The following PCDH15 variants were observed in gnomAD, a reference collection of about 807,000 sequenced individuals.
PCDH15 encodes the protein protocadherin related 15.
Under a neutral mutation model 178.5 loss-of-function variants are expected in PCDH15, and 129 were observed. That is an observed-to-expected ratio of 0.72 (90% CI 0.63 to 0.84). The LOEUF (loss-of-function observed/expected upper bound fraction) is 0.84. Ranked by LOEUF, PCDH15 falls within the 40% of genes least tolerant of loss-of-function variation. The pLI is 0.00. For missense variants in PCDH15, 2,230 were observed against 2,099.9 expected (o/e 1.06, Z -1.21); for synonymous variants, 800 against 732.0 (o/e 1.09, Z -1.50).
intron 2 of PCDH15, among the ~76,000 whole-genome samples, chr10:55,147,832 C>A (rs922838020): frequency 6.6e-6 from 1 of 151,352 alleles, no homozygotes; most frequent in African/African-American, 2.4e-5. Context: ...CCTCTTCCTC[C>A]TTTTTCTCCT....
chr10:54,594,604 C>T (rs554977191), intron 2 of PCDH15, among the ~76,000 whole-genome samples: 20 of 152,296 alleles, frequency 1.3e-4, no homozygotes, highest in African/African-American at 2.4e-4. Context: ...ACACTACAGC[C>T]TCCTCCATAC....
At chr10:55,462,419 C>T (rs1839699152) in intron 2 of PCDH15, among the ~76,000 whole-genome samples, 1 of 152,036 alleles carries the variant, frequency 6.6e-6, no homozygotes, top group Admixed American at 6.6e-5. Flanking sequence ...AAAGTAACAA[C>T]TTAAAGAGAA....
chr10:54,954,408 T>C (rs1433034257), intron 2 of PCDH15, among the ~76,000 whole-genome samples: 1 of 151,276 alleles, frequency 6.6e-6, no homozygotes, highest in Admixed American at 6.6e-5. Flanking sequence ...ATTGAACATA[T>C]CTTAGCATTA....
intron 21 of PCDH15, among the ~76,000 whole-genome samples, chr10:53,969,826 C>T (rs1444004936): frequency 2.6e-5 from 4 of 152,062 alleles, no homozygotes; most frequent in Admixed American, 6.6e-5. Context: ...TTTGTCACCA[C>T]CAGGCATGCC....
At chr10:53,978,617 G>A (rs117872400) in intron 21 of PCDH15, among the ~76,000 whole-genome samples, 4,287 of 150,774 alleles carry the variant, frequency 0.028, 68 homozygotes, top group Non-Finnish European at 0.04. Context: ...CATTACTTAC[G>A]CAAATTTCTG....
intron 8 of PCDH15, among the ~76,000 whole-genome samples, chr10:54,274,489 T>C (rs1417560983): frequency 6.6e-6 from 1 of 152,068 alleles, no homozygotes; most frequent in Admixed American, 6.6e-5. Flanking sequence ...TGTTGTTTGT[T>C]TTGTGCTCCC....
chr10:55,075,203 T>C (rs2132018424), intron 2 of PCDH15, among the ~76,000 whole-genome samples: 1 of 152,212 alleles, frequency 6.6e-6, no homozygotes, highest in Admixed American at 6.5e-5. Flanking sequence ...CAGGAATTTT[T>C]CCATTTCCTC....
intron 3 of PCDH15, among the ~76,000 whole-genome samples, chr10:54,831,905 T>C (rs1244407905): frequency 1.3e-5 from 2 of 152,150 alleles, no homozygotes; most frequent in South Asian, 2.1e-4. Context: ...TAACTTATAA[T>C]AGCTCAGGGA....
chr10:54,720,379 A>C (rs1227529705), intron 1 of PCDH15, among the ~76,000 whole-genome samples: 2 of 152,042 alleles, frequency 1.3e-5, no homozygotes, highest in African/African-American at 4.8e-5. Context: ...TCAAAGTCAA[A>C]GTGGAAAAAA....
chr10:54,165,814 C>T (rs1171833399), intron 13 of PCDH15, among the ~76,000 whole-genome samples: 1 of 152,126 alleles, frequency 6.6e-6, no homozygotes, highest in Non-Finnish European at 1.5e-5. Flanking sequence ...TCCATTTATT[C>T]AGACCTTAAT....
chr10:54,834,747 C>G (rs889259496), intron 3 of PCDH15, among the ~76,000 whole-genome samples: 3 of 152,078 alleles, frequency 2.0e-5, no homozygotes, highest in African/African-American at 7.2e-5. Context: ...GATTTAATGA[C>G]CCACAATTAT....
chr10:54,372,329 T>G (rs374730941), intron 4 of PCDH15, among the ~76,000 whole-genome samples: 27 of 151,918 alleles, frequency 1.8e-4, no homozygotes, highest in African/African-American at 5.5e-4. Flanking sequence ...CACTTAGTCC[T>G]GCTAAGTACC....
At chr10:54,298,968 T>C (rs1234815252) in intron 8 of PCDH15, among the ~76,000 whole-genome samples, 1 of 152,232 alleles carries the variant, frequency 6.6e-6, no homozygotes, top group East Asian at 1.9e-4. Context: ...AGGGAGTTCC[T>C]AACCTCTGGG....
chr10:54,774,859 ATTTT>A (rs1397986316), intron 1 of PCDH15, among the ~76,000 whole-genome samples: 1 of 152,056 alleles, frequency 6.6e-6, no homozygotes, highest in African/African-American at 2.4e-5. Flanking sequence ...TATTAGTTTT[ATTTT>A]TTATTAAATG....
At chr10:54,516,767 C>T (rs1033140931) in intron 3 of PCDH15, among the ~76,000 whole-genome samples, 36 of 151,924 alleles carry the variant, frequency 2.4e-4, no homozygotes, top group African/African-American at 8.7e-4. Context: ...GTCAGATTCA[C>T]CAAAGTTGAA....
chr10:54,170,150 T>A (rs1193339745), intron 13 of PCDH15, among the ~76,000 whole-genome samples: 1 of 141,660 alleles, frequency 7.1e-6, no homozygotes, highest in Non-Finnish European at 1.5e-5. Context: ...ATTACTTCAA[T>A]CAAGCCCAAA....
At chr10:54,125,139 T>C (rs2041881699) in intron 15 of PCDH15, among the ~76,000 whole-genome samples, 1 of 151,842 alleles carries the variant, frequency 6.6e-6, no homozygotes, top group Admixed American at 6.5e-5. Flanking sequence ...CGTTCATTAG[T>C]CAAATGTGTG....
At chr10:55,241,617 G>C (rs10825482) in intron 1 of PCDH15, among the ~76,000 whole-genome samples, 70,453 of 151,700 alleles carry the variant, frequency 0.46, 16,572 homozygotes, top group African/African-American at 0.55. Flanking sequence ...GAGACAGAGT[G>C]TTACTATGTT....
chr10:54,318,184 C>T (rs534254596), intron 7 of PCDH15, among the ~76,000 whole-genome samples: 3 of 152,268 alleles, frequency 2.0e-5, no homozygotes, highest in South Asian at 2.1e-4. Context: ...GGAAGAAGCC[C>T]GTATTTCCCA....
Sources: allele counts gnomAD v4.1 joint callset (sites outside exome capture counted in the v4.1 genomes callset), GRCh38; gene constraint gnomAD v4.1.1; transcripts MANE v1.5; gene names NCBI Gene and HGNC (gene_info 2026-07-23, HGNC 2026-07-21).